FAM167A: variants seen among roughly 807,000 people sequenced by gnomAD.
The protein encoded by FAM167A is protein FAM167A.
A neutral mutation model predicts 14.9 loss-of-function variants in FAM167A; 23 were observed. That is an observed-to-expected ratio of 1.55 (90% CI 1.11 to 2.19). The LOEUF is 2.19. Among genes scored for constraint, FAM167A ranks in the 30% most tolerant of loss-of-function variants. The pLI, the probability that FAM167A is intolerant of heterozygous loss-of-function variation, is 0.00. For missense variants in FAM167A, 401 were observed against 281.5 expected, an observed-to-expected ratio of 1.42 and a Z score of -3.04; for synonymous variants, 174 against 117.7, an observed-to-expected ratio of 1.48 and a Z score of -3.10.
intron 1 of FAM167A, among the ~76,000 whole-genome samples, chr8:11,453,064 C>T (rs1231447149): frequency 6.6e-6 from 1 of 152,194 alleles, no homozygotes; most frequent in African/African-American, 2.4e-5. Context: ...GGGACTTGGA[C>T]GCTGTCCCCT....
At chr8:11,468,218 G>C (rs1236806313), upstream of FAM167A, among the ~76,000 whole-genome samples, 3 of 152,158 alleles carry the variant, frequency 2.0e-5, no homozygotes, top group Non-Finnish European at 4.4e-5. Flanking sequence ...GGCCTTCAAC[G>C]CCCCCAGTCC....
chr8:11,473,055 T>G (rs1198079019), intron 1 of FAM167A, among the ~76,000 whole-genome samples: 1 of 152,202 alleles, frequency 6.6e-6, no homozygotes, highest in Non-Finnish European at 1.5e-5. Flanking sequence ...CTGCTTGAAC[T>G]CAGGGTGAGG....
intron 1 of FAM167A, among the ~76,000 whole-genome samples, chr8:11,455,662 T>C (rs1807223224): frequency 7.7e-6 from 1 of 130,094 alleles, no homozygotes; most frequent in Non-Finnish European, 1.6e-5. Flanking sequence ...GTGGTTGCCT[T>C]GCTGTGTGTG....
chr8:11,440,600 T>C (rs981380806), intron 2 of FAM167A, among the ~76,000 whole-genome samples: 4 of 152,204 alleles, frequency 2.6e-5, no homozygotes, highest in African/African-American at 9.7e-5. Flanking sequence ...CTGGGAGAGC[T>C]GCTAGGTGGT....
rs567362067 is a variant in FAM167A at position 11,424,642 on chromosome 8, A to G, written c.382-6T>C. 1.9e-6 allele frequency: 3 copies of G among 1,612,876 alleles called. No homozygotes were observed. In the Admixed American group the frequency reaches 5.0e-5, roughly 27 times the overall value. On this transcript the variant is annotated splice_region_variant and splice_polypyrimidine_tract_variant and intron_variant, in intron 2 of 2. Transcript: ENST00000284486. ...TCCTGCAGCCGCATCTCCGTCTGGA[A>G]GGGAGGGGGAGCAGGCAGGGTCAGC...
chr8:11,427,878 A>C (rs1805292808), intron 2 of FAM167A, among the ~76,000 whole-genome samples: 1 of 152,206 alleles, frequency 6.6e-6, no homozygotes, highest in Non-Finnish European at 1.5e-5. Context: ...CTATTGACCT[A>C]GAATAGCACC....
At chr8:11,468,877 C>T (rs796620605), upstream of FAM167A, among the ~76,000 whole-genome samples, 10 of 152,290 alleles carry the variant, frequency 6.6e-5, no homozygotes, top group African/African-American at 1.9e-4. Context: ...TCCCATTCTG[C>T]CTGGCATTTG....
intron 1 of FAM167A, among the ~76,000 whole-genome samples, chr8:11,451,159 C>G (rs1029730503): frequency 1.3e-5 from 2 of 152,178 alleles, no homozygotes; most frequent in African/African-American, 4.8e-5. Flanking sequence ...GGTGTCAGAA[C>G]CACTCAGAGG....
intron 2 of FAM167A, among the ~76,000 whole-genome samples, chr8:11,430,884 T>A (rs1250848242): frequency 6.6e-6 from 1 of 151,856 alleles, no homozygotes; most frequent in Non-Finnish European, 1.5e-5. Context: ...GCCAGTGGTT[T>A]GCTGGGGGGT....
chr8:11,426,977 G>A (rs1805215068), intron 2 of FAM167A, among the ~76,000 whole-genome samples: 1 of 152,206 alleles, frequency 6.6e-6, no homozygotes, highest in Non-Finnish European at 1.5e-5. Context: ...AATTTACATT[G>A]CCAGGGTGAA....
upstream of FAM167A, among the ~76,000 whole-genome samples, chr8:11,472,439 T>G (rs766393224): frequency 4.1e-3 from 413 of 100,662 alleles, 2 homozygotes; most frequent in Non-Finnish European, 7.0e-3. Flanking sequence ...TTTTTTGGGT[T>G]TTTTTTTTTT....
chr8:11,444,378 C>A lies in FAM167A; in HGVS notation c.34G>T (p.Gly12Cys). The change falls in exon 2 of 3, where the codon GGT (glycine) becomes TGT (cysteine). Residue 12 changes from glycine (G) to cysteine (C), a missense_variant. Transcript: ENST00000284486. ...SVPQIHVEEV[G>C]AEEGAGAAAP... ...GCTGCTCCCGCCCCCTCTTCTGCAC[C>A]CACTTCTTCCACGTGGATCTGGGGC... 6.4e-7 allele frequency: 1 copy of A among 1,567,650 alleles called. No homozygotes were observed. Among genetic ancestry groups the A allele is most frequent in the South Asian group, 1.2e-5 (1 of 86,840 alleles).
chr8:11,438,855 C>A (rs763116677), intron 2 of FAM167A, among the ~76,000 whole-genome samples: 4 of 152,338 alleles, frequency 2.6e-5, no homozygotes, highest in African/African-American at 9.6e-5. Context: ...ACCAAATCCC[C>A]GCTCAGCCAG....
intron 2 of FAM167A, among the ~76,000 whole-genome samples, chr8:11,427,395 AC>A (rs1805252264): frequency 6.6e-6 from 1 of 152,280 alleles, no homozygotes; most frequent in African/African-American, 2.4e-5. Flanking sequence ...AGCTGCTCCT[AC>A]TTGACTCGAG....
At chr8:11,433,202 G>C (rs1805735771) in intron 2 of FAM167A, among the ~76,000 whole-genome samples, 1 of 142,838 alleles carries the variant, frequency 7.0e-6, no homozygotes, top group Non-Finnish European at 1.6e-5. Context: ...CTTAAAGTAT[G>C]ATAAAAAAAA....
intron 2 of FAM167A, among the ~76,000 whole-genome samples, chr8:11,440,973 A>G (rs755206129): frequency 3.1e-4 from 47 of 152,218 alleles, no homozygotes; most frequent in Non-Finnish European, 5.3e-4. Flanking sequence ...TTGTTCTCCA[A>G]CGCTGAACTC....
intron 1 of FAM167A, among the ~76,000 whole-genome samples, chr8:11,461,620 G>T (rs950155892): frequency 1.3e-5 from 2 of 152,248 alleles, no homozygotes; most frequent in Non-Finnish European, 2.9e-5. Flanking sequence ...GGGGATGTGT[G>T]CCCTCCCCTG....
chr8:11,441,007 GT>G (rs58110004), intron 2 of FAM167A, among the ~76,000 whole-genome samples: 5,974 of 152,262 alleles, frequency 0.039, 216 homozygotes, highest in African/African-American at 0.086. Context: ...CAATCAAAGG[GT>G]TTTTGCAAGT....
At chr8:11,437,788 T>C (rs1306060885) in intron 2 of FAM167A, among the ~76,000 whole-genome samples, 1 of 152,200 alleles carries the variant, frequency 6.6e-6, no homozygotes, top group Non-Finnish European at 1.5e-5. Context: ...GAATTGAGTT[T>C]ATTATTATAG....
Sources: gnomAD v4.1 joint callset for allele counts (sites outside exome capture counted in the v4.1 genomes callset) on GRCh38, gnomAD v4.1.1 for gene constraint, MANE v1.5 for transcripts, NCBI Gene and HGNC (gene_info 2026-07-23, HGNC 2026-07-21) for gene names.